ANKRD30BL: variants seen among roughly 807,000 people sequenced by gnomAD.
ANKRD30BL encodes putative ankyrin repeat domain-containing protein 30B-like.
In ANKRD30BL, 20 loss-of-function variants were observed where a neutral mutation model predicts 18.4. The observed-to-expected ratio is 1.09, with a 90% CI of 0.77 to 1.58. ANKRD30BL has a LOEUF of 1.58. ANKRD30BL is among the 40% of genes most tolerant of loss of function. ANKRD30BL has a pLI of 0.00. For missense variants in ANKRD30BL, 224 were observed against 268.6 expected (o/e 0.83, Z 1.16); for synonymous variants, 72 against 100.9 (o/e 0.71, Z 1.72).
chr2:132,204,339 T>C (rs1355283120), intron 1 of ANKRD30BL, among the ~76,000 whole-genome samples: 2 of 152,170 alleles, frequency 1.3e-5, no homozygotes, highest in South Asian at 2.1e-4. Flanking sequence ...TACCCTTCAA[T>C]GATGGGACAT....
At chr2:132,173,309 T>TC in intron 1 of ANKRD30BL, among the ~76,000 whole-genome samples, 1 of 150,416 alleles carries the variant, frequency 6.6e-6, no homozygotes, top group Admixed American at 6.6e-5. Context: ...TTCTTTTTTT[T>TC]TTTTTTTTGA....
intron 5 of ANKRD30BL, among the ~76,000 whole-genome samples, chr2:132,149,787 G>A (rs1687709579): frequency 6.6e-6 from 1 of 152,054 alleles, no homozygotes; most frequent in Admixed American, 6.6e-5. Flanking sequence ...CTCCTTATCA[G>A]CCTACTCAAC....
In ANKRD30BL at chr2:132,157,411, G is replaced by T. The variant is rs1257574548; in HGVS notation, c.231C>A (p.Tyr77Ter). 1 of 719,734 alleles carries T rather than the reference G, an allele frequency of 1.4e-6. No homozygotes were observed. Among genetic ancestry groups the T allele is most frequent in the East Asian group, 2.5e-5 (1 of 39,644 alleles). 44.6% of individuals were successfully genotyped at this position (719,734 alleles called of 1,614,324 possible). A position where few individuals can be genotyped will look rare whatever the true frequency, so the allele number is the denominator to read the frequency against. ...CTGCATGGCCATTGGCACAGGCCCAGTATAGAGCAGTCCTACAAGAATGAG... is the reference window on the plus strand; with the variant it reads ...CTGCATGGCCATTGGCACAGGCCCATTATAGAGCAGTCCTACAAGAATGAG... ...IRDAKKRTALYWACANGHAEV... is the reference protein window; with the variant it reads ...IRDAKKRTAL The change falls in exon 2 of 6, where the codon TAC (tyrosine) becomes TAA (stop). Residue 77 changes from tyrosine to a stop codon, truncating the protein, a stop_gained. Coordinates refer to ENST00000409867, the MANE Select transcript of ANKRD30BL (RefSeq NM_001358416.1). LOFTEE classifies it high-confidence loss of function.
At chr2:132,181,421 C>G (rs1247864070) in intron 1 of ANKRD30BL, among the ~76,000 whole-genome samples, 1 of 150,574 alleles carries the variant, frequency 6.6e-6, no homozygotes, top group East Asian at 2.0e-4. Flanking sequence ...CGTAGTGAGT[C>G]GAGATCATGC....
At chr2:132,188,567 G>A (rs1316406879) in intron 1 of ANKRD30BL, among the ~76,000 whole-genome samples, 2 of 152,074 alleles carry the variant, frequency 1.3e-5, no homozygotes, top group Admixed American at 6.5e-5. Flanking sequence ...AAAATTAGCC[G>A]GGCATGGTGG....
At chr2:132,214,315 G>A (rs995130823) in intron 1 of ANKRD30BL, among the ~76,000 whole-genome samples, 16 of 151,666 alleles carry the variant, frequency 1.1e-4, no homozygotes, top group Non-Finnish European at 1.5e-4. Flanking sequence ...GCCTATGTTG[G>A]AAAAGGAAAT....
Position 132,161,730 on chromosome 2 carries a change from G to C in ANKRD30BL, c.-25C>G. The C allele has an allele frequency of 8.6e-7, 1 of 1,162,050 alleles. No homozygotes were observed. Among genetic ancestry groups the C allele is most frequent in the African/African-American group, 1.5e-5 (1 of 65,262 alleles). 72.0% of individuals were successfully genotyped at this position (1,162,050 alleles called of 1,614,324 possible). A position where few individuals can be genotyped will look rare whatever the true frequency, so the allele number is the denominator to read the frequency against. On this transcript the variant is annotated 5_prime_UTR_variant, in exon 1 of 6. Coordinates refer to ENST00000409867, the MANE Select transcript of ANKRD30BL (RefSeq NM_001358416.1). ...TGGCTGCAGCCACCTGCTAGAGAGA[G>C]CCCGTGCCTCCCGCTGCTCGCCCTT...
exon 1 of ANKRD30BL, chr2:132,257,863 C>T (rs199810985): frequency 6.5e-6 from 1 of 154,020 alleles, no homozygotes; most frequent in African/African-American, 2.4e-5. Flanking sequence ...CCCCCTAGTC[C>T]ACCAGCCTCC....
At chr2:132,241,081 C>A (rs528680670) in intron 1 of ANKRD30BL, among the ~76,000 whole-genome samples, 2 of 151,748 alleles carry the variant, frequency 1.3e-5, no homozygotes, top group African/African-American at 2.4e-5. Context: ...GCTGAACATT[C>A]CTTTTCATAG....
At chr2:132,172,767 G>A (rs962087627) in intron 1 of ANKRD30BL, among the ~76,000 whole-genome samples, 1 of 151,836 alleles carries the variant, frequency 6.6e-6, no homozygotes, top group African/African-American at 2.4e-5. Context: ...GAGTGCAGTG[G>A]CACAATCTCA....
chr2:132,195,788 CAAAAAAAAAAAAA>C, intron 1 of ANKRD30BL, among the ~76,000 whole-genome samples: 1 of 48,670 alleles, frequency 2.1e-5, no homozygotes. Context: ...GAGCCTCTGC[CAAAAAAAAAAAAA>C]AAAAAAAAAA....
chr2:132,204,656 G>T (rs1419526584), intron 1 of ANKRD30BL, among the ~76,000 whole-genome samples: 2 of 152,028 alleles, frequency 1.3e-5, no homozygotes, highest in Non-Finnish European at 2.9e-5. Flanking sequence ...AAGAGAAATG[G>T]CAGAATAGAA....
intron 1 of ANKRD30BL, among the ~76,000 whole-genome samples, chr2:132,184,836 T>C (rs1688536526): frequency 6.6e-6 from 1 of 151,774 alleles, no homozygotes; most frequent in Non-Finnish European, 1.5e-5. Context: ...TTTTTTGAGA[T>C]GGAGTCTAAC....
At chr2:132,203,472 A>G (rs1002236088) in intron 1 of ANKRD30BL, among the ~76,000 whole-genome samples, 5 of 152,180 alleles carry the variant, frequency 3.3e-5, no homozygotes, top group Non-Finnish European at 4.4e-5. Context: ...AAACAATGAG[A>G]CATAAGCCAT....
At chr2:132,232,052 G>A (rs1461072448) in intron 1 of ANKRD30BL, among the ~76,000 whole-genome samples, 1 of 152,322 alleles carries the variant, frequency 6.6e-6, no homozygotes, top group South Asian at 2.1e-4. Context: ...GCCTAACTGG[G>A]AGGCACTCCC....
intron 1 of ANKRD30BL, among the ~76,000 whole-genome samples, chr2:132,238,504 A>G (rs1365537646): frequency 6.6e-6 from 1 of 152,000 alleles, no homozygotes; most frequent in Non-Finnish European, 1.5e-5. Flanking sequence ...CTTACGTTCA[A>G]CTGACAGACT....
intron 1 of ANKRD30BL, among the ~76,000 whole-genome samples, chr2:132,227,675 G>A (rs1246808513): frequency 6.6e-6 from 1 of 152,032 alleles, no homozygotes; most frequent in African/African-American, 2.4e-5. Context: ...TCCGCTAGTG[G>A]ACATTTGTAG....
At chr2:132,169,418 G>T (rs1025271913) in intron 1 of ANKRD30BL, among the ~76,000 whole-genome samples, 5 of 148,276 alleles carry the variant, frequency 3.4e-5, no homozygotes, top group Non-Finnish European at 7.6e-5. Context: ...GGAGGCTGAG[G>T]TGGGCACATC....
In ANKRD30BL at chr2:132,255,895, A is replaced by C. The variant is rs560141353; in HGVS notation, n.441+1634T>G. ...GGGGGCGTGCGATTGGCCCGAGGTT[A>C]TCCAGAAGCACCAAAGCTGGCGGCA... On this transcript the variant is annotated intron_variant and non_coding_transcript_variant, in intron 1 of 4. Coordinates refer to the ANKRD30BL transcript ENST00000470729. 2.6e-5 allele frequency among the ~76,000 whole-genome samples: 4 copies of C among 152,260 alleles called. No homozygotes were observed. In the East Asian group the frequency reaches 7.8e-4, roughly 30 times the overall value.
Sources: gnomAD v4.1 joint callset for allele counts (sites outside exome capture counted in the v4.1 genomes callset) on GRCh38, gnomAD v4.1.1 for gene constraint, MANE v1.5 for transcripts, NCBI Gene and HGNC (gene_info 2026-07-23, HGNC 2026-07-21) for gene names.